The following FAM180A variants were observed in gnomAD, a reference collection of about 807,000 sequenced individuals.
The protein encoded by FAM180A is protein FAM180A.
FAM180A carries 14 observed loss-of-function variants against 15.3 expected under a neutral mutation model. That is an observed-to-expected ratio of 0.92 (90% CI 0.61 to 1.43). The LOEUF (loss-of-function observed/expected upper bound fraction) is 1.43, where lower values mean the gene tolerates loss of function less well. FAM180A is among the 40% of genes most tolerant of loss of function. The pLI is 0.00. For synonymous variants in FAM180A, 90 were observed against 96.8 expected (o/e 0.93, Z 0.41); for missense variants, 200 against 220.8 (o/e 0.91, Z 0.60).
intron 1 of FAM180A, 152 bp from the exon 2 acceptor site, chr7:135,737,351 C>G: frequency 1.7e-6 from 1 of 590,252 alleles, no homozygotes; most frequent in Non-Finnish European, 2.9e-6. Context: ...CTTTGGGAGG[C>G]CGAGGCGGGC....
intron 2 of FAM180A, among the ~76,000 whole-genome samples, chr7:135,735,910 C>T (rs1228651319): frequency 6.6e-6 from 1 of 152,006 alleles, no homozygotes; most frequent in Non-Finnish European, 1.5e-5. Context: ...ACCATGTTGG[C>T]CAGGCTGGTC....
At chr7:135,735,790 C>T (rs1047121986) in intron 2 of FAM180A, among the ~76,000 whole-genome samples, 1 of 152,182 alleles carries the variant, frequency 6.6e-6, no homozygotes, top group Admixed American at 6.5e-5. Flanking sequence ...GCAACCTCCA[C>T]CTCCCGGGTT....
chr7:135,736,021 CT>C (rs1194298118), intron 2 of FAM180A, among the ~76,000 whole-genome samples: 244 of 134,412 alleles, frequency 1.8e-3, no homozygotes, highest in Middle Eastern at 4.5e-3. Context: ...TCTTTCTTTT[CT>C]TTTTTTTTTT....
rs1796753643 is a variant in FAM180A, at chr7:135,729,731, C to T, written c.*880G>A. On this transcript the variant is annotated 3_prime_UTR_variant, in exon 4 of 4. Transcript: ENST00000338588. Reference sequence around the variant, plus strand: ...ACCCATTTTTCAGAGGAAGGAAACACTTTTCCAGAATACAATGCTCAAGAA... The same window carrying T: ...ACCCATTTTTCAGAGGAAGGAAACATTTTTCCAGAATACAATGCTCAAGAA... 6 of 985,248 alleles carry T rather than the reference C, an allele frequency of 6.1e-6. No individual in the cohort carries two copies. Among genetic ancestry groups the T allele is most frequent in the African/African-American group, 3.5e-5 (2 of 57,222 alleles). The allele number at this position is 985,248 out of a possible 1,614,324, so 61.0% of individuals were successfully genotyped here. A position where few individuals can be genotyped will look rare whatever the true frequency, so the allele number is the denominator to read the frequency against.
intron 1 of FAM180A, among the ~76,000 whole-genome samples, chr7:135,744,963 T>C (rs1476910001): frequency 1.3e-5 from 2 of 152,158 alleles, no homozygotes; most frequent in Non-Finnish European, 2.9e-5. Context: ...GGCGCAATCA[T>C]AGCTCTCTGC....
chr7:135,730,468 C>T (rs1283560428), intron 3 of FAM180A, among the ~76,000 whole-genome samples, 187 bp from the exon 4 acceptor site: 3 of 152,174 alleles, frequency 2.0e-5, no homozygotes, highest in African/African-American at 7.2e-5. Context: ...CGTTTGAACA[C>T]TGTAGGCGGA....
At chr7:135,737,042 A>G (rs4338044) in intron 2 of FAM180A, 57 bp downstream of exon 2, 492,020 of 1,379,548 alleles carry the variant, frequency 0.36, 91,700 homozygotes, top group Middle Eastern at 0.45. Flanking sequence ...CAAAAAAGAT[A>G]GAGAAAGTGC....
intron 1 of FAM180A, among the ~76,000 whole-genome samples, chr7:135,737,482 A>G (rs560068523): frequency 5.3e-5 from 8 of 151,224 alleles, no homozygotes; most frequent in East Asian, 1.9e-4. Flanking sequence ...AGCTACATGG[A>G]AGGCTGAGGC....
intron 1 of FAM180A, among the ~76,000 whole-genome samples, chr7:135,743,041 GTAGT>G (rs1023677122): frequency 4.6e-5 from 7 of 152,300 alleles, no homozygotes; most frequent in African/African-American, 1.7e-4. Flanking sequence ...AGGATAAATG[GTAGT>G]TAGTTATGAA....
chr7:135,732,737 ACAC>A (rs1796804074), intron 3 of FAM180A, among the ~76,000 whole-genome samples: 4 of 138,920 alleles, frequency 2.9e-5, no homozygotes, highest in South Asian at 2.3e-4. Context: ...ACACACACAC[ACAC>A]AAGAATGTTT....
intron 3 of FAM180A, among the ~76,000 whole-genome samples, chr7:135,731,415 A>T (rs1240847223): frequency 6.6e-6 from 1 of 151,882 alleles, no homozygotes; most frequent in African/African-American, 2.4e-5. Flanking sequence ...TGAGTGTTAG[A>T]GTGTGGGTCA....
In FAM180A at chr7:135,730,089, A is replaced by AT. The variant is rs71685526; in HGVS notation, c.*521dup. On this transcript the variant is annotated 3_prime_UTR_variant, in exon 4 of 4. Transcript: ENST00000338588. ...TAAAAAGTCATTTAACAAGCATTTGATTTTAGACCATTGGACCTGCAGAAA... is the reference window on the plus strand; with the variant it reads ...TAAAAAGTCATTTAACAAGCATTTGATTTTTAGACCATTGGACCTGCAGAAA... 7,755 of 985,390 alleles carry AT rather than the reference A, an allele frequency of 7.9e-3. 96 individuals are homozygous for AT. The highest frequency in any genetic ancestry group is 0.069 in the East Asian group (605 of 8,816). 61.0% of individuals were successfully genotyped at this position (985,390 alleles called of 1,614,324 possible).
intron 3 of FAM180A, among the ~76,000 whole-genome samples, chr7:135,732,689 TCACACACACACA>T (rs143588470): frequency 0.037 from 5,289 of 141,858 alleles, 161 homozygotes; most frequent in African/African-American, 0.078. Flanking sequence ...CGAGACTCCA[TCACACACACACA>T]CACACACACA....
chr7:135,740,868 G>A (rs1446193809), intron 1 of FAM180A, among the ~76,000 whole-genome samples: 1 of 151,782 alleles, frequency 6.6e-6, no homozygotes, highest in Non-Finnish European at 1.5e-5. Flanking sequence ...CCCCTTCTTA[G>A]GATAGGATCT....
chr7:135,734,616 C>G (rs968757381), intron 2 of FAM180A, among the ~76,000 whole-genome samples: 3 of 152,316 alleles, frequency 2.0e-5, no homozygotes, highest in South Asian at 2.1e-4. Context: ...TGGTTCAAAA[C>G]CAGTATTTAA....
chr7:135,742,885 T>C (rs1796972188), intron 1 of FAM180A, among the ~76,000 whole-genome samples: 1 of 152,182 alleles, frequency 6.6e-6, no homozygotes, highest in Non-Finnish European at 1.5e-5. Flanking sequence ...CCCTAGGCCA[T>C]CCAATTTATT....
chr7:135,734,133 C>T lies in FAM180A; in HGVS notation c.364G>A (p.Asp122Asn), dbSNP rs113477191. ...SSHPGILKKE[D>N]FERTVLTLAY... ...AGGGTCAGCACTGTCCTTTCAAAGT[C>T]TTCTTTCTTGAGGATGCCAGGGTGG... is the stretch of plus-strand genomic sequence containing the variant. Residue 122 changes from aspartate (D) to asparagine (N), a missense_variant, in exon 3 of 4, where the codon GAC becomes AAC. By Grantham distance (23) the Asp-to-Asn change is conservative. Coordinates refer to ENST00000338588, the MANE Select transcript of FAM180A (RefSeq NM_205855.4). 0.019 allele frequency: 31,426 copies of T among 1,614,174 alleles called. 386 individuals carry two copies. Among genetic ancestry groups the T allele is most frequent in the Middle Eastern group, 0.029 (178 of 6,062 alleles).
chr7:135,744,086 C>A (rs1400733203), intron 1 of FAM180A, among the ~76,000 whole-genome samples: 2 of 152,168 alleles, frequency 1.3e-5, no homozygotes, highest in Admixed American at 6.5e-5. Context: ...CTACCTCCCC[C>A]ACACCTTAGC....
chr7:135,729,856 A>G lies in FAM180A; in HGVS notation c.*755T>C. ...GCCAAGAGCTGGGGCAGGCAGGGGG[A>G]AGGGGAAAAGAGGAGTTGTTCGGTG... On this transcript the variant is annotated 3_prime_UTR_variant, in exon 4 of 4. Transcript: ENST00000338588. The G allele has an allele frequency of 1.3e-6, 1 of 769,192 alleles. No homozygotes were observed. The highest frequency in any genetic ancestry group is 1.6e-6 in the Non-Finnish European group (1 of 632,914). 47.6% of individuals were successfully genotyped at this position (769,192 alleles called of 1,614,324 possible). A position where few individuals can be genotyped will look rare whatever the true frequency, so the allele number is the denominator to read the frequency against.
Sources: gnomAD v4.1 joint callset for allele counts (sites outside exome capture counted in the v4.1 genomes callset) on GRCh38, gnomAD v4.1.1 for gene constraint, MANE v1.5 for transcripts, NCBI Gene and HGNC (gene_info 2026-07-23, HGNC 2026-07-21) for gene names.